B3GALT1: variants seen among roughly 807,000 people sequenced by gnomAD.
B3GALT1 encodes the protein UDP-Gal:betaGlcNAc beta 1,3-galactosyltransferase, polypeptide 1.
In B3GALT1, 10 loss-of-function variants were observed where a neutral mutation model predicts 23.2. The ratio of observed to expected loss-of-function variants is 0.43; its 90% confidence interval spans 0.27 to 0.73. The LOEUF (loss-of-function observed/expected upper bound fraction) is 0.73, where lower values mean the gene tolerates loss of function less well. B3GALT1 is among the 30% of genes least tolerant of loss of function. The probability of loss-of-function intolerance (pLI) is 0.21; values close to 1 mark genes in which losing one functional copy is unlikely to be tolerated. For synonymous variants in B3GALT1, 156 were observed against 141.5 expected (o/e 1.10, Z -0.73); for missense variants, 299 against 405.4 (o/e 0.74, Z 2.25).
Position 167,620,113 on chromosome 2 carries a change from G to A in B3GALT1, c.-409-26796G>A, listed in dbSNP as rs1177969275. 2.6e-5 allele frequency among the ~76,000 whole-genome samples: 4 copies of A among 152,028 alleles called. No individual in the cohort carries two copies. In the East Asian group the frequency reaches 7.7e-4, roughly 29 times the overall value. On this transcript the variant is annotated intron_variant, in intron 2 of 4. Coordinates refer to ENST00000392690, the MANE Select transcript of B3GALT1 (RefSeq NM_020981.4). ...ATCTGATGGACAAGAAGGAACCAAC[G>A]GTGTGAGGAGTGTGTGTGCAGTTTG...
Position 167,826,270 on chromosome 2 carries a change from T to G in B3GALT1, c.-230+7477T>G, listed in dbSNP as rs528301055. ...CTCCAGGGCTCATGGCTTGATCCTCTCCAGCCTCAACCTGGCCAGGTTTCC... is the reference window on the plus strand; with the variant it reads ...CTCCAGGGCTCATGGCTTGATCCTCGCCAGCCTCAACCTGGCCAGGTTTCC... On this transcript the variant is annotated intron_variant, in intron 4 of 4. Transcript: ENST00000392690. 6.6e-5 allele frequency among the ~76,000 whole-genome samples: 10 copies of G among 152,204 alleles called. No homozygotes were observed. In the South Asian group the frequency reaches 2.1e-3, roughly 32 times the overall value.
chr2:167,533,161 A>G (rs1683359664), intron 2 of B3GALT1, among the ~76,000 whole-genome samples: 1 of 151,822 alleles, frequency 6.6e-6, no homozygotes, highest in East Asian at 1.9e-4. Context: ...GCACCTGGCT[A>G]CCTCATCTTT....
At chr2:167,442,360 G>C (rs1301094648) in intron 1 of B3GALT1, among the ~76,000 whole-genome samples, 1 of 152,118 alleles carries the variant, frequency 6.6e-6, no homozygotes, top group African/African-American at 2.4e-5. Context: ...TGTCTTTATA[G>C]CATCATGATT....
chr2:167,651,978 C>A (rs16854021), intron 3 of B3GALT1, among the ~76,000 whole-genome samples: 2,302 of 152,188 alleles, frequency 0.015, 69 homozygotes, highest in African/African-American at 0.053. Flanking sequence ...ACACCCCACA[C>A]CATTGATCAA....
At chr2:167,761,654 A>G (rs1232734208) in intron 3 of B3GALT1, among the ~76,000 whole-genome samples, 2 of 152,208 alleles carry the variant, frequency 1.3e-5, no homozygotes, top group Non-Finnish European at 2.9e-5. Flanking sequence ...AGGGCAAGTG[A>G]AACCCTTACT....
chr2:167,611,691 G>A (rs1161590953), intron 2 of B3GALT1, among the ~76,000 whole-genome samples: 2 of 151,924 alleles, frequency 1.3e-5, no homozygotes, highest in Admixed American at 1.3e-4. Flanking sequence ...AATTTCTAAG[G>A]AAGAGCAGCG....
At chr2:167,729,343 T>A (rs1418497243) in intron 3 of B3GALT1, among the ~76,000 whole-genome samples, 1 of 152,200 alleles carries the variant, frequency 6.6e-6, no homozygotes, top group Non-Finnish European at 1.5e-5. Context: ...GCACACTCAT[T>A]ACTATGCTTC....
chr2:167,864,703 T>G (rs949567935), intron 4 of B3GALT1, among the ~76,000 whole-genome samples: 1 of 152,248 alleles, frequency 6.6e-6, no homozygotes, highest in Non-Finnish European at 1.5e-5. Flanking sequence ...GCTATTTATG[T>G]AGTCACTCAC....
At chr2:167,428,590 A>G (rs1698658064) in intron 1 of B3GALT1, among the ~76,000 whole-genome samples, 2 of 152,090 alleles carry the variant, frequency 1.3e-5, no homozygotes, top group African/African-American at 4.8e-5. Context: ...AGGCAAGAGA[A>G]TAGCTTGAAC....
At chr2:167,370,772 A>G (rs1697671197) in intron 1 of B3GALT1, among the ~76,000 whole-genome samples, 1 of 152,128 alleles carries the variant, frequency 6.6e-6, no homozygotes, top group African/African-American at 2.4e-5. Context: ...TAAAAATACA[A>G]AAAATTAGCC....
intron 1 of B3GALT1, among the ~76,000 whole-genome samples, chr2:167,316,580 T>A (rs998767347): frequency 6.6e-6 from 1 of 152,080 alleles, no homozygotes; most frequent in Admixed American, 6.5e-5. Flanking sequence ...GCAGGGCAGG[T>A]TGGACACGTC....
At chr2:167,704,680 G>C (rs1011350519) in intron 3 of B3GALT1, among the ~76,000 whole-genome samples, 2 of 152,162 alleles carry the variant, frequency 1.3e-5, no homozygotes, top group Non-Finnish European at 2.9e-5. Flanking sequence ...TGGTACATTA[G>C]TTAGTCTGTT....
intron 1 of B3GALT1, among the ~76,000 whole-genome samples, chr2:167,387,517 G>A (rs1170137772): frequency 6.6e-6 from 1 of 152,106 alleles, no homozygotes; most frequent in Non-Finnish European, 1.5e-5. Context: ...ATTACAAAGG[G>A]AAATGATGGT....
rs1169813738 is a variant in B3GALT1, at chr2:167,699,380, A to ATTTTTTTTT, written c.-352+52431_-352+52439dup. Among the ~76,000 whole-genome samples the ATTTTTTTTT allele has an allele frequency of 3.9e-3, 389 of 100,066 alleles. 3 individuals carry two copies. Among genetic ancestry groups the ATTTTTTTTT allele is most frequent in the Non-Finnish European group, 4.9e-3 (257 of 52,074 alleles). 65.6% of individuals were successfully genotyped at this position (100,066 alleles called of 152,430 possible). On this transcript the variant is annotated intron_variant, in intron 3 of 4. Coordinates refer to ENST00000392690, the MANE Select transcript of B3GALT1 (RefSeq NM_020981.4). ...GGGGGAGTTTTTTGCCATTATTTCT[A>ATTTTTTTTT]TTTTTTTTTTTTTTTTTTTTTTTTT...
chr2:167,684,383 C>T (rs1260363649), intron 3 of B3GALT1, among the ~76,000 whole-genome samples: 1 of 152,172 alleles, frequency 6.6e-6, no homozygotes, highest in African/African-American at 2.4e-5. Context: ...GATTTAATTT[C>T]AATAGAGGAA....
intron 3 of B3GALT1, among the ~76,000 whole-genome samples, chr2:167,770,190 T>A (rs1295360297): frequency 6.6e-6 from 1 of 152,232 alleles, no homozygotes; most frequent in Non-Finnish European, 1.5e-5. Flanking sequence ...CACTATAGCC[T>A]TGAACTTCTG....
chr2:167,501,946 C>T (rs1253687695), intron 2 of B3GALT1, among the ~76,000 whole-genome samples: 1 of 152,040 alleles, frequency 6.6e-6, no homozygotes, highest in Non-Finnish European at 1.5e-5. Flanking sequence ...AGTGTTAATT[C>T]ATTTCATGTT....
In B3GALT1 at chr2:167,853,918, G is replaced by A. The variant is rs1689952595; in HGVS notation, c.-229-14893G>A. Among the ~76,000 whole-genome samples, 2 of 151,994 alleles carry A rather than the reference G, an allele frequency of 1.3e-5. 1 individual carries two copies. The highest frequency in any genetic ancestry group is 1.3e-4 in the Admixed American group (2 of 15,240). On this transcript the variant is annotated intron_variant, in intron 4 of 4. Coordinates refer to ENST00000392690, the MANE Select transcript of B3GALT1 (RefSeq NM_020981.4). ...GTCATCCAGGACAAGTTCACAAGAG[G>A]GCCATGTGACATCCAGTCAAAAGAC...
intron 2 of B3GALT1, among the ~76,000 whole-genome samples, chr2:167,541,873 T>C (rs1217215771): frequency 2.6e-5 from 4 of 152,076 alleles, no homozygotes; most frequent in Non-Finnish European, 5.9e-5. Context: ...AATCATCTAG[T>C]TGAAACAGTT....
Sources: gnomAD v4.1 joint callset for allele counts (sites outside exome capture counted in the v4.1 genomes callset) on GRCh38, gnomAD v4.1.1 for gene constraint, MANE v1.5 for transcripts, NCBI Gene and HGNC (gene_info 2026-07-23, HGNC 2026-07-21) for gene names.